The following ESR1 variants were observed in gnomAD, a reference collection of about 807,000 sequenced individuals.
The protein encoded by ESR1 is estrogen receptor.
In ESR1, 12 loss-of-function variants were observed where a neutral mutation model predicts 52.7. The observed-to-expected ratio is 0.23, with a 90% CI of 0.15 to 0.37. The LOEUF (loss-of-function observed/expected upper bound fraction) is 0.37. Ranked by LOEUF, ESR1 falls within the 10% of genes least tolerant of loss-of-function variation. The probability of loss-of-function intolerance (pLI) is 1.00; values close to 1 mark genes in which losing one functional copy is unlikely to be tolerated. For missense variants in ESR1, 584 were observed against 779.7 expected, an observed-to-expected ratio of 0.75 and a Z score of 2.99; for synonymous variants, 305 against 316.8, an observed-to-expected ratio of 0.96 and a Z score of 0.39.
chr6:151,694,200 G>C (rs1180769296), intron 1 of ESR1, among the ~76,000 whole-genome samples: 1 of 152,198 alleles, frequency 6.6e-6, no homozygotes, highest in Non-Finnish European at 1.5e-5. Context: ...CTTCAAAAGT[G>C]ACAGCCCTAG....
At chr6:151,680,819 G>A (rs563337887) in intron 1 of ESR1, among the ~76,000 whole-genome samples, 1 of 152,244 alleles carries the variant, frequency 6.6e-6, no homozygotes, top group South Asian at 2.1e-4. Flanking sequence ...CCTGGCACAT[G>A]GTAGGTGCTC....
In ESR1 at chr6:151,807,803, G is replaced by A. The variant is rs895530793; in HGVS notation, c.-110G>A. Reference sequence around the variant, plus strand: ...GAGCTCGCGTGTCGGCGGGACATGCGCTGCGTCGCCTCTAACCTCGGGCTG... The same window carrying A: ...GAGCTCGCGTGTCGGCGGGACATGCACTGCGTCGCCTCTAACCTCGGGCTG... On this transcript the variant is annotated 5_prime_UTR_variant, in exon 1 of 8. Coordinates refer to ENST00000206249, the MANE Select transcript of ESR1 (RefSeq NM_000125.4). The A allele has an allele frequency of 4.9e-6, 5 of 1,015,530 alleles. No individual in the cohort carries two copies. The highest frequency in any genetic ancestry group is 2.1e-4 in the Middle Eastern group (1 of 4,808). The allele number at this position is 1,015,530 out of a possible 1,614,324, so 62.9% of individuals were successfully genotyped here. A position where few individuals can be genotyped will look rare whatever the true frequency, so the allele number is the denominator to read the frequency against.
chr6:152,051,530 C>G (rs545013158), intron 5 of ESR1, among the ~76,000 whole-genome samples: 103 of 152,252 alleles, frequency 6.8e-4, no homozygotes, highest in African/African-American at 2.4e-3. Flanking sequence ...TTCTACCTCC[C>G]CCTGCTTCTC....
chr6:151,937,822 C>T lies in ESR1; in HGVS notation c.761-6351C>T, dbSNP rs80241635. Among the ~76,000 whole-genome samples the T allele has an allele frequency of 6.2e-3, 945 of 152,252 alleles. 31 individuals are homozygous for T. The East Asian group carries it at 0.076, about 12-fold the overall frequency. On this transcript the variant is annotated intron_variant, in intron 3 of 7. Coordinates refer to ENST00000206249, the MANE Select transcript of ESR1 (RefSeq NM_000125.4). ...AGAGACTTTGGAGGCAGATAGACCTCGATTGTAACCTCTGTGCTGCCCGTG... is the reference window on the plus strand; with the variant it reads ...AGAGACTTTGGAGGCAGATAGACCTTGATTGTAACCTCTGTGCTGCCCGTG...
At chr6:152,120,238 G>T (rs890467831) in intron 6 of ESR1, among the ~76,000 whole-genome samples, 7 of 152,158 alleles carry the variant, frequency 4.6e-5, no homozygotes, top group Non-Finnish European at 7.3e-5. Context: ...GGGCAAAACT[G>T]CTCTGGAGGG....
chr6:151,691,439 A>T (rs1313540884), intron 1 of ESR1, among the ~76,000 whole-genome samples: 2 of 152,242 alleles, frequency 1.3e-5, no homozygotes, highest in African/African-American at 4.8e-5. Flanking sequence ...TGTAAGTTTC[A>T]TACTTTGTCA....
intron 1 of ESR1, among the ~76,000 whole-genome samples, chr6:151,672,597 A>G (rs533379771): frequency 3.9e-5 from 6 of 152,170 alleles, no homozygotes; most frequent in African/African-American, 1.4e-4. Flanking sequence ...TCGGCCTCCC[A>G]AAGTGCTGGG....
chr6:151,772,143 C>T (rs993427869), intron 2 of ESR1, among the ~76,000 whole-genome samples: 1 of 152,096 alleles, frequency 6.6e-6, no homozygotes, highest in African/African-American at 2.4e-5. Flanking sequence ...AGTACACACC[C>T]GTAGTTGCTG....
chr6:151,797,241 T>TTGAA (rs1218773920), intron 2 of ESR1, among the ~76,000 whole-genome samples: 1 of 152,212 alleles, frequency 6.6e-6, no homozygotes, highest in Non-Finnish European at 1.5e-5. Flanking sequence ...AAACATTTGT[T>TTGAA]TGAATGAATG....
intron 2 of ESR1, among the ~76,000 whole-genome samples, chr6:151,858,623 A>G (rs1238561408): frequency 6.6e-6 from 1 of 151,312 alleles, no homozygotes; most frequent in Non-Finnish European, 1.5e-5. Flanking sequence ...GTGAATTAAA[A>G]TAGTACTTTC....
chr6:151,894,568 G>T (rs1795180286), intron 3 of ESR1, among the ~76,000 whole-genome samples: 1 of 152,174 alleles, frequency 6.6e-6, no homozygotes. Flanking sequence ...TTTGTGTAAA[G>T]TGAGAGATGA....
At chr6:151,955,259 A>T (rs1051641759) in intron 4 of ESR1, among the ~76,000 whole-genome samples, 1 of 152,218 alleles carries the variant, frequency 6.6e-6, no homozygotes, top group Non-Finnish European at 1.5e-5. Context: ...TAAACTTAAC[A>T]TACCATAGAA....
At chr6:151,683,750 G>A (rs566944423) in intron 1 of ESR1, among the ~76,000 whole-genome samples, 27 of 151,490 alleles carry the variant, frequency 1.8e-4, no homozygotes, top group African/African-American at 5.3e-4. Flanking sequence ...CCAGGCTAGA[G>A]TGCAGAGGTG....
intron 2 of ESR1, among the ~76,000 whole-genome samples, chr6:151,779,787 A>C (rs1471059537): frequency 1.3e-5 from 2 of 150,920 alleles, no homozygotes; most frequent in Non-Finnish European, 2.9e-5. Context: ...ATGTCCATCA[A>C]TGTTTGACCG....
chr6:151,724,877 T>C (rs990612957), intron 2 of ESR1, among the ~76,000 whole-genome samples: 1 of 152,208 alleles, frequency 6.6e-6, no homozygotes, highest in African/African-American at 2.4e-5. Flanking sequence ...AATTTATGGA[T>C]CTTTTTCATA....
rs192728091 is a variant in ESR1, at chr6:152,012,139, C to T, written c.1235+345C>T. 1.0e-3 allele frequency among the ~76,000 whole-genome samples: 159 copies of T among 151,730 alleles called. 2 individuals are homozygous for T. Among genetic ancestry groups the T allele is most frequent in the African/African-American group, 3.7e-3 (153 of 41,170 alleles). On this transcript the variant is annotated intron_variant, in intron 5 of 7. Transcript: ENST00000206249. ...TATCATATAAAAATTATAATAACCT[C>T]TCTTTAATTAAAATCTGTTGTTGCT...
In ESR1 at chr6:151,880,764, G is replaced by T. The variant is rs992017069; in HGVS notation, c.753G>T (p.Met251Ile). The T allele has an allele frequency of 5.7e-6, 9 of 1,567,250 alleles. No individual in the cohort carries two copies. Among genetic ancestry groups the T allele is most frequent in the African/African-American group, 4.1e-5 (3 of 73,968 alleles). Residue 251 changes from methionine to isoleucine, a missense_variant, in exon 3 of 8, where the codon ATG (methionine) becomes ATT (isoleucine). Met to Ile is a conservative substitution (Grantham distance 10). Coordinates refer to ENST00000206249, the MANE Select transcript of ESR1 (RefSeq NM_000125.4). ...GTAAATGCTACGAAGTGGGAATGAT[G>T]AAAGGTGGTAGGTACATCTCTCCCA... ...RLRKCYEVGM[M>I]KGGIRKDRRG...
chr6:151,941,505 T>TG (rs1297217164), intron 3 of ESR1, among the ~76,000 whole-genome samples: 2 of 152,020 alleles, frequency 1.3e-5, no homozygotes, highest in African/African-American at 4.8e-5. Flanking sequence ...GCTTTTGACA[T>TG]TTTTTCTCTG....
intron 5 of ESR1, among the ~76,000 whole-genome samples, chr6:152,060,256 A>G (rs1341488017): frequency 6.6e-6 from 1 of 152,186 alleles, no homozygotes; most frequent in Non-Finnish European, 1.5e-5. Flanking sequence ...TGAACTTCTA[A>G]AAATATCAAG....
Sources: allele counts gnomAD v4.1 joint callset (sites outside exome capture counted in the v4.1 genomes callset), GRCh38; gene constraint gnomAD v4.1.1; transcripts MANE v1.5; gene names NCBI Gene and HGNC (gene_info 2026-07-23, HGNC 2026-07-21).